Variants in PTPRT observed in about 807,000 individuals in gnomAD.
PTPRT encodes the protein receptor-type tyrosine-protein phosphatase T.
In PTPRT, 56 loss-of-function variants were observed where a neutral mutation model predicts 176.8. The ratio of observed to expected loss-of-function variants is 0.32; its 90% CI spans 0.26 to 0.40. PTPRT has a LOEUF of 0.40. Among genes scored for constraint, PTPRT ranks in the 10% least tolerant of loss-of-function variants. The pLI is 1.00. For synonymous variants in PTPRT, 783 were observed against 739.0 expected (o/e 1.06, Z -0.96); for missense variants, 1,540 against 1,908.2 (o/e 0.81, Z 3.60).
chr20:42,348,720 A>T (rs2058233355), intron 11 of PTPRT, among the ~76,000 whole-genome samples: 1 of 152,190 alleles, frequency 6.6e-6, no homozygotes, highest in Non-Finnish European at 1.5e-5. Flanking sequence ...CCATCTTTTC[A>T]GGGTAAACCA....
chr20:42,695,352 T>C (rs892580096), intron 6 of PTPRT, among the ~76,000 whole-genome samples: 3 of 152,210 alleles, frequency 2.0e-5, no homozygotes, highest in Admixed American at 2.0e-4. Flanking sequence ...AGATTCCTGA[T>C]GAAATGGTGT....
intron 7 of PTPRT, among the ~76,000 whole-genome samples, chr20:42,633,819 A>ATATATG (rs1162225733): frequency 2.3e-5 from 2 of 85,586 alleles, no homozygotes; most frequent in Admixed American, 3.8e-4. Context: ...ATATATATAT[A>ATATATG]ATAAAATATT....
intron 13 of PTPRT, among the ~76,000 whole-genome samples, chr20:42,260,700 G>A (rs189087056): frequency 5.3e-5 from 8 of 152,216 alleles, no homozygotes; most frequent in East Asian, 3.9e-4. Context: ...ATGTAATTCC[G>A]GGACACTGAG....
At chr20:42,538,831 G>A (rs1461181887) in intron 7 of PTPRT, among the ~76,000 whole-genome samples, 2 of 152,056 alleles carry the variant, frequency 1.3e-5, no homozygotes, top group African/African-American at 4.8e-5. Context: ...TCTCCACATT[G>A]GACACATTCA....
intron 7 of PTPRT, among the ~76,000 whole-genome samples, chr20:42,623,181 G>A (rs1255938871): frequency 2.6e-5 from 4 of 152,210 alleles, no homozygotes; most frequent in African/African-American, 9.6e-5. Context: ...CTCCAAACAA[G>A]AACCCGGGTG....
At chr20:42,576,301 G>T (rs1211726999) in intron 7 of PTPRT, among the ~76,000 whole-genome samples, 1 of 152,194 alleles carries the variant, frequency 6.6e-6, no homozygotes, top group Non-Finnish European at 1.5e-5. Context: ...AGTGCTGAGT[G>T]CCTTCTCTGG....
At position 42,120,297 on chromosome 20, in the gene PTPRT, T is replaced by C. The variant is rs576330769; in HGVS notation, c.2848-326A>G. On this transcript the variant is annotated intron_variant, in intron 19 of 30. Coordinates refer to ENST00000373187, the MANE Select transcript of PTPRT (RefSeq NM_007050.6). ...CAGGTAGAGAAGGAGTTTCCAGGTT[T>C]ATGGGGAGCATCAACCACCAAAAAG... 7.2e-5 allele frequency among the ~76,000 whole-genome samples: 11 copies of C among 152,302 alleles called. No individual in the cohort carries two copies. The South Asian group carries it at 2.3e-3, about 32-fold the overall frequency.
At chr20:42,622,945 C>G (rs1283192300) in intron 7 of PTPRT, among the ~76,000 whole-genome samples, 1 of 152,162 alleles carries the variant, frequency 6.6e-6, no homozygotes, top group Non-Finnish European at 1.5e-5. Context: ...CCTGCTATGT[C>G]CCCCTATCTT....
At chr20:43,183,280 T>C (rs1475448628) in intron 1 of PTPRT, among the ~76,000 whole-genome samples, 1 of 152,244 alleles carries the variant, frequency 6.6e-6, no homozygotes, top group Non-Finnish European at 1.5e-5. Flanking sequence ...TAGCAAGAGA[T>C]AAGTCATAGT....
chr20:42,547,738 AAAGAG>A (rs1250093510), intron 7 of PTPRT, among the ~76,000 whole-genome samples: 1 of 152,046 alleles, frequency 6.6e-6, no homozygotes, highest in African/African-American at 2.4e-5. Context: ...CTTATCAAAG[AAAGAG>A]AAAAGGATCA....
chr20:42,411,768 C>G (rs1181676029), intron 9 of PTPRT, among the ~76,000 whole-genome samples: 1 of 151,886 alleles, frequency 6.6e-6, no homozygotes, highest in Non-Finnish European at 1.5e-5. Flanking sequence ...CCAAATCTCA[C>G]TCAAGAATTA....
chr20:42,970,095 G>C (rs1184302684), intron 1 of PTPRT, among the ~76,000 whole-genome samples: 1 of 152,154 alleles, frequency 6.6e-6, no homozygotes, highest in African/African-American at 2.4e-5. Context: ...TTTGACAAAT[G>C]CCCCTGCTAG....
chr20:42,271,546 A>G (rs2056935662), intron 13 of PTPRT, among the ~76,000 whole-genome samples: 1 of 152,228 alleles, frequency 6.6e-6, no homozygotes, highest in Admixed American at 6.5e-5. Flanking sequence ...TAGTGTACTC[A>G]TGTGGCCTTG....
chr20:43,133,168 A>G (rs1026525187), intron 1 of PTPRT, among the ~76,000 whole-genome samples: 3 of 152,218 alleles, frequency 2.0e-5, no homozygotes, highest in Non-Finnish European at 2.9e-5. Context: ...GTAGGTGTAT[A>G]CATGTGTAAA....
intron 23 of PTPRT, among the ~76,000 whole-genome samples, chr20:42,109,715 T>C (rs1469962203): frequency 6.6e-6 from 1 of 152,124 alleles, no homozygotes. Flanking sequence ...ATCTGTAAAA[T>C]GGGAATGTTA....
intron 6 of PTPRT, among the ~76,000 whole-genome samples, chr20:42,723,791 A>G (rs947876006): frequency 1.0e-3 from 153 of 152,308 alleles, no homozygotes; most frequent in African/African-American, 3.5e-3. Context: ...CTAGCCACCC[A>G]AGGAGCCCAC....
chr20:43,188,794 T>G (rs570471317), intron 1 of PTPRT, among the ~76,000 whole-genome samples: 4 of 141,488 alleles, frequency 2.8e-5, no homozygotes, highest in Non-Finnish European at 6.1e-5. Context: ...CGGTGGGGCT[T>G]GGTGATGTGT....
intron 1 of PTPRT, among the ~76,000 whole-genome samples, chr20:43,004,975 A>C (rs1984777035): frequency 6.6e-6 from 1 of 152,090 alleles, no homozygotes; most frequent in Non-Finnish European, 1.5e-5. Context: ...GCATCACTCA[A>C]AGCTTCCTGA....
At chr20:42,857,310 C>T (rs2078581426) in intron 2 of PTPRT, among the ~76,000 whole-genome samples, 1 of 152,122 alleles carries the variant, frequency 6.6e-6, no homozygotes, top group Admixed American at 6.5e-5. Context: ...CATCTGTTTC[C>T]AAGAGTTTCC....
Sources: gnomAD v4.1 joint callset for allele counts (sites outside exome capture counted in the v4.1 genomes callset) on GRCh38, gnomAD v4.1.1 for gene constraint, MANE v1.5 for transcripts, NCBI Gene and HGNC (gene_info 2026-07-23, HGNC 2026-07-21) for gene names.